Variants in FGGY observed in about 807,000 individuals in gnomAD.
FGGY encodes FGGY carbohydrate kinase domain-containing protein.
FGGY carries 72 observed loss-of-function variants against 71.3 expected under a neutral mutation model. That is an observed-to-expected ratio of 1.01 (90% confidence interval 0.84 to 1.23). The LOEUF is 1.23. Ranked by LOEUF, FGGY falls within the 50% of genes most tolerant of loss-of-function variation. The probability of loss-of-function intolerance (pLI) is 0.00; values close to 1 mark genes in which losing one functional copy is unlikely to be tolerated. For synonymous variants in FGGY, 251 were observed against 250.3 expected (o/e 1.00, Z -0.02); for missense variants, 668 against 682.3 (o/e 0.98, Z 0.23).
intron 8 of FGGY, among the ~76,000 whole-genome samples, chr1:59,571,209 T>G (rs1420004828): frequency 3.3e-5 from 5 of 152,220 alleles, no homozygotes; most frequent in Admixed American, 1.3e-4. Context: ...CATCACCATT[T>G]TGAAATAAGG....
intron 5 of FGGY, among the ~76,000 whole-genome samples, chr1:59,442,562 A>G (rs1367248749): frequency 6.6e-6 from 1 of 151,978 alleles, no homozygotes. Flanking sequence ...CTTCCTTTTA[A>G]TGTTTTTACC....
intron 2 of FGGY, among the ~76,000 whole-genome samples, chr1:59,333,145 T>A (rs193022300): frequency 3.3e-5 from 5 of 152,360 alleles, no homozygotes; most frequent in Admixed American, 1.3e-4. Context: ...TGTGTTTGTT[T>A]CTACTCCCAA....
At chr1:59,510,565 A>G (rs1017254922) in intron 6 of FGGY, among the ~76,000 whole-genome samples, 2 of 152,206 alleles carry the variant, frequency 1.3e-5, no homozygotes, top group Admixed American at 6.5e-5. Context: ...AGCATCTTAT[A>G]CTTATCCTCC....
chr1:59,350,427 A>G (rs995535781), intron 4 of FGGY, among the ~76,000 whole-genome samples: 8 of 152,206 alleles, frequency 5.3e-5, no homozygotes, highest in African/African-American at 9.6e-5. Flanking sequence ...CCCAGAGGCA[A>G]TAGTTTGACA....
At chr1:59,699,610 C>CA (rs1265162077) in intron 14 of FGGY, among the ~76,000 whole-genome samples, 3 of 150,526 alleles carry the variant, frequency 2.0e-5, no homozygotes, top group Non-Finnish European at 3.0e-5. Flanking sequence ...AATATGCAAA[C>CA]AAAAAAAGGA....
chr1:59,500,663 C>CAAAAAAAAAAAA (rs922111998), intron 6 of FGGY, among the ~76,000 whole-genome samples: 1 of 44,764 alleles, frequency 2.2e-5, no homozygotes, highest in African/African-American at 9.1e-5. Flanking sequence ...GCCTTCTTGC[C>CAAAAAAAAAAAA]AAAAAAAAAA....
intron 6 of FGGY, among the ~76,000 whole-genome samples, chr1:59,489,533 A>G (rs2093760841): frequency 6.6e-6 from 1 of 152,126 alleles, no homozygotes; most frequent in Non-Finnish European, 1.5e-5. Flanking sequence ...CCATATTGCT[A>G]CAAATGACAG....
intron 7 of FGGY, among the ~76,000 whole-genome samples, chr1:59,546,263 T>A (rs1181548431): frequency 6.6e-6 from 1 of 152,158 alleles, no homozygotes. Flanking sequence ...GAAACTTAAG[T>A]GATTTGACCT....
chr1:59,652,103 G>A (rs905423956), intron 11 of FGGY, among the ~76,000 whole-genome samples: 10 of 151,954 alleles, frequency 6.6e-5, no homozygotes, highest in Non-Finnish European at 4.4e-5. Context: ...TGGCTTGTAG[G>A]GTTTCTGCCG....
intron 6 of FGGY, among the ~76,000 whole-genome samples, chr1:59,498,883 C>T (rs923848239): frequency 9.2e-5 from 14 of 152,322 alleles, no homozygotes; most frequent in Admixed American, 5.2e-4. Context: ...ACTCCTCCCC[C>T]GGAGGGACTG....
intron 6 of FGGY, among the ~76,000 whole-genome samples, chr1:59,510,348 T>A (rs1033255374): frequency 6.6e-6 from 1 of 152,220 alleles, no homozygotes; most frequent in South Asian, 2.1e-4. Flanking sequence ...AAATGCATGC[T>A]ATGTCCTTAG....
intron 3 of FGGY, among the ~76,000 whole-genome samples, chr1:59,343,961 C>G (rs1570690139): frequency 6.6e-6 from 1 of 152,152 alleles, no homozygotes; most frequent in African/African-American, 2.4e-5. Context: ...CTTCAACACT[C>G]ACCCACCCAC....
At chr1:59,586,941 C>T (rs925114144) in intron 8 of FGGY, among the ~76,000 whole-genome samples, 45 of 152,104 alleles carry the variant, frequency 3.0e-4, no homozygotes, top group Non-Finnish European at 4.7e-4. Context: ...AGACAGTGGG[C>T]GCAGGACAGT....
intron 9 of FGGY, among the ~76,000 whole-genome samples, chr1:59,623,483 G>C (rs114721586): frequency 0.015 from 2,283 of 152,196 alleles, 63 homozygotes; most frequent in African/African-American, 0.053. Context: ...TGCTATCTGT[G>C]TTTTTCCTGT....
intron 5 of FGGY, among the ~76,000 whole-genome samples, chr1:59,391,614 C>T (rs543306462): frequency 4.6e-5 from 7 of 152,278 alleles, no homozygotes; most frequent in African/African-American, 7.2e-5. Context: ...TGTGTGACCT[C>T]GACGATTATG....
At chr1:59,550,510 C>A (rs770983548) in intron 7 of FGGY, among the ~76,000 whole-genome samples, 1 of 152,048 alleles carries the variant, frequency 6.6e-6, no homozygotes, top group African/African-American at 2.4e-5. Context: ...GAAATGAGGC[C>A]AGTCCTGCCC....
chr1:59,608,083 TAAGG>T (rs1294417310), intron 9 of FGGY, among the ~76,000 whole-genome samples, 173 bp downstream of exon 9: 2 of 152,208 alleles, frequency 1.3e-5, no homozygotes, highest in Admixed American at 6.5e-5. Context: ...ATATATTGCT[TAAGG>T]AAGAAGTGTT....
chr1:59,602,932 A>T (rs1558510169), intron 8 of FGGY, among the ~76,000 whole-genome samples: 2 of 152,000 alleles, frequency 1.3e-5, no homozygotes, highest in African/African-American at 4.8e-5. Flanking sequence ...AGTAGTAGTA[A>T]TAGTAATAGT....
At chr1:59,316,801 C>T (rs982200683) in intron 1 of FGGY, among the ~76,000 whole-genome samples, 11 of 152,316 alleles carry the variant, frequency 7.2e-5, no homozygotes, top group South Asian at 2.1e-4. Flanking sequence ...AGGACTTGTA[C>T]GCAGCACAGC....
Sources: allele counts gnomAD v4.1 joint callset (sites outside exome capture counted in the v4.1 genomes callset), GRCh38; gene constraint gnomAD v4.1.1; transcripts MANE v1.5; gene names NCBI Gene and HGNC (gene_info 2026-07-23, HGNC 2026-07-21).